Variants in MKLN1 observed in about 807,000 individuals in gnomAD.
MKLN1 encodes muskelin.
Under a neutral mutation model 99.0 loss-of-function variants are expected in MKLN1, and 18 were observed. That is an observed-to-expected ratio of 0.18 (90% CI 0.13 to 0.27). MKLN1 has a LOEUF of 0.27. Ranked by LOEUF, MKLN1 falls within the 10% of genes least tolerant of loss-of-function variation. The pLI is 1.00. For synonymous variants in MKLN1, 288 were observed against 293.2 expected, an observed-to-expected ratio of 0.98 and a Z score of 0.18; for missense variants, 621 against 875.9, an observed-to-expected ratio of 0.71 and a Z score of 3.67.
At chr7:131,389,889 CA>C (rs942412488) in intron 4 of MKLN1, among the ~76,000 whole-genome samples, 5 of 117,830 alleles carry the variant, frequency 4.2e-5, no homozygotes, top group African/African-American at 6.4e-5. Context: ...ACTCCATCTC[CA>C]AAAAAAAAAC....
chr7:131,431,558 C>T (rs143937814), intron 9 of MKLN1, among the ~76,000 whole-genome samples: 1 of 152,210 alleles, frequency 6.6e-6, no homozygotes, highest in East Asian at 1.9e-4. Context: ...GTTCTCATGG[C>T]AGGTGCTGGG....
intron 2 of MKLN1, among the ~76,000 whole-genome samples, chr7:131,191,677 G>T (rs1796543469): frequency 6.6e-6 from 1 of 151,324 alleles, no homozygotes; most frequent in South Asian, 2.1e-4. Context: ...ACCTCCAATT[G>T]GTCTGTAATG....
intron 2 of MKLN1, among the ~76,000 whole-genome samples, chr7:131,195,728 G>A (rs34373448): frequency 0.15 from 22,196 of 151,638 alleles, 1,986 homozygotes; most frequent in Non-Finnish European, 0.2. Context: ...TGAGGTGGGC[G>A]GATCATGAGG....
At chr7:131,121,358 A>G (rs1795366008) in intron 1 of MKLN1, among the ~76,000 whole-genome samples, 1 of 152,160 alleles carries the variant, frequency 6.6e-6, no homozygotes. Context: ...CTCTCATCAG[A>G]AACAGATGCA....
intron 3 of MKLN1, among the ~76,000 whole-genome samples, chr7:131,233,246 TG>T (rs1797269144): frequency 6.6e-6 from 1 of 151,964 alleles, no homozygotes; most frequent in South Asian, 2.1e-4. Context: ...AGATAGTATG[TG>T]CCTGTGGTCC....
At chr7:131,361,961 G>GTATGTA (rs1243595639) in intron 1 of MKLN1, among the ~76,000 whole-genome samples, 1 of 151,942 alleles carries the variant, frequency 6.6e-6, no homozygotes, top group Non-Finnish European at 1.5e-5. Context: ...CATTTCTTCA[G>GTATGTA]TATGTATAGT....
intron 1 of MKLN1, among the ~76,000 whole-genome samples, chr7:131,136,151 C>G (rs894475421): frequency 1.3e-5 from 2 of 152,080 alleles, no homozygotes; most frequent in Non-Finnish European, 2.9e-5. Context: ...CCTGCAGGGA[C>G]TTGGGTGTAG....
At position 131,172,332 on chromosome 7, in the gene MKLN1, T is replaced by G. The variant is rs1033303905; in HGVS notation, c.-297+29391T>G. The stretch of plus-strand genomic sequence containing the variant: ...ATTTTTGTATTTTTTTTTTTTCTTT[T>G]TGAGATGGAGTCTCGCTCTGTCACC... On this transcript the variant is annotated intron_variant, in intron 2 of 7. Transcript: ENST00000416992. 2.0e-4 allele frequency among the ~76,000 whole-genome samples: 30 copies of G among 151,390 alleles called. 1 individual carries two copies. Among genetic ancestry groups the G allele is most frequent in the African/African-American group, 6.3e-4 (26 of 41,222 alleles).
At chr7:131,266,173 C>CAAAAAAAAAAAAAAAAAAAAAAAAAAA (rs35332093) in intron 3 of MKLN1, among the ~76,000 whole-genome samples, 2 of 86,576 alleles carry the variant, frequency 2.3e-5, no homozygotes, top group Non-Finnish European at 4.3e-5. Flanking sequence ...GACTGCATCT[C>CAAAAAAAAAAAAAAAAAAAAAAAAAAA]AAAAAAAAAA....
At chr7:131,326,105 T>A (rs1431556979), upstream of MKLN1, among the ~76,000 whole-genome samples, 3 of 152,194 alleles carry the variant, frequency 2.0e-5, no homozygotes, top group African/African-American at 7.2e-5. Context: ...AGGTAAGAAG[T>A]GGAATTATAA....
At chr7:131,132,784 G>A (rs920276245) in intron 1 of MKLN1, among the ~76,000 whole-genome samples, 4 of 151,916 alleles carry the variant, frequency 2.6e-5, no homozygotes, top group Non-Finnish European at 4.4e-5. Context: ...AAAATTAGCC[G>A]GGCGTGGTGG....
At chr7:131,227,495 C>CTCTTTCTCTCTT (rs1554539895) in intron 3 of MKLN1, among the ~76,000 whole-genome samples, 3 of 115,710 alleles carry the variant, frequency 2.6e-5, no homozygotes, top group Non-Finnish European at 5.1e-5. Context: ...CTCTTTCTTT[C>CTCTTTCTCTCTT]TCTTTCTTTC....
chr7:131,181,879 C>T (rs773302694), intron 2 of MKLN1, among the ~76,000 whole-genome samples: 6 of 152,118 alleles, frequency 3.9e-5, no homozygotes, highest in African/African-American at 7.2e-5. Context: ...AGGCTGGTCT[C>T]GGACTACTGA....
chr7:131,304,534 A>G lies in MKLN1; in HGVS notation c.-178-70890A>G, dbSNP rs1334340851. 2.0e-5 allele frequency among the ~76,000 whole-genome samples: 3 copies of G among 152,318 alleles called. No homozygotes were observed. The East Asian group carries it at 5.8e-4, about 29-fold the overall frequency. ...GTTTCTTCATCTGTTGCATAATAAT[A>G]TCATAAAAGGAAATGCTTTTATTTA... On this transcript the variant is annotated intron_variant, in intron 3 of 7. Coordinates refer to the MKLN1 transcript ENST00000416992.
intron 3 of MKLN1, among the ~76,000 whole-genome samples, chr7:131,274,604 A>G (rs1197584023): frequency 1.3e-5 from 2 of 148,488 alleles, no homozygotes; most frequent in Non-Finnish European, 3.0e-5. Flanking sequence ...TGATTGCATC[A>G]CTGCACTCCA....
At chr7:131,343,633 T>C (rs1351404055) in intron 1 of MKLN1, among the ~76,000 whole-genome samples, 1 of 152,186 alleles carries the variant, frequency 6.6e-6, no homozygotes, top group Non-Finnish European at 1.5e-5. Flanking sequence ...AACAAGCACT[T>C]ATCACAAATG....
chr7:131,215,077 C>T (rs902373878), intron 3 of MKLN1, among the ~76,000 whole-genome samples: 3 of 152,156 alleles, frequency 2.0e-5, no homozygotes, highest in Admixed American at 6.5e-5. Flanking sequence ...GACAGAGTTT[C>T]GCTTTGTTGT....
intron 1 of MKLN1, among the ~76,000 whole-genome samples, chr7:131,368,414 A>G (rs971316630): frequency 3.9e-5 from 6 of 152,158 alleles, no homozygotes; most frequent in African/African-American, 1.4e-4. Context: ...AGGCTGGGTG[A>G]TTTATGAAGA....
chr7:131,213,506 C>A (rs748913997), intron 3 of MKLN1, among the ~76,000 whole-genome samples: 1 of 152,212 alleles, frequency 6.6e-6, no homozygotes, highest in Non-Finnish European at 1.5e-5. Flanking sequence ...GTATTATTGA[C>A]ATTTTGGACT....
Sources: allele counts gnomAD v4.1 joint callset (sites outside exome capture counted in the v4.1 genomes callset), GRCh38; gene constraint gnomAD v4.1.1; transcripts MANE v1.5; gene names NCBI Gene and HGNC (gene_info 2026-07-23, HGNC 2026-07-21).